The following RBPJ variants were observed in gnomAD, a reference collection of about 807,000 sequenced individuals.
The protein encoded by RBPJ is recombination signal binding protein for immunoglobulin kappa J region, also known as recombining binding protein suppressor of hairless.
Under a neutral mutation model 67.8 loss-of-function variants are expected in RBPJ, and 9 were observed. That is an observed-to-expected ratio of 0.13 (90% CI 0.08 to 0.23). RBPJ has a LOEUF of 0.23. RBPJ is among the 10% of genes least tolerant of loss of function. The pLI, the probability that RBPJ is intolerant of heterozygous loss-of-function variation, is 1.00. For missense variants in RBPJ, 305 were observed against 595.6 expected (o/e 0.51, Z 5.08); for synonymous variants, 198 against 203.3 (o/e 0.97, Z 0.22).
chr4:26,277,255 G>C (rs1015736274), intron 1 of RBPJ, among the ~76,000 whole-genome samples: 1 of 140,970 alleles, frequency 7.1e-6, no homozygotes, highest in Non-Finnish European at 1.5e-5. Context: ...CTGGGCGACA[G>C]AGCAAGACCC....
At chr4:26,406,358 T>G in intron 3 of RBPJ, 88 bp downstream of exon 3, 1 of 816,368 alleles carries the variant, frequency 1.2e-6, no homozygotes, top group Non-Finnish European at 2.1e-6. Flanking sequence ...GAGGATGGCT[T>G]CTATTACTGG....
intron 2 of RBPJ, among the ~76,000 whole-genome samples, chr4:26,396,931 G>C (rs1732176935): frequency 6.6e-6 from 1 of 152,108 alleles, no homozygotes; most frequent in Non-Finnish European, 1.5e-5. Flanking sequence ...TGTGTTACAA[G>C]GGCACCAGGA....
chr4:26,318,996 C>CAAA (rs201084739), upstream of RBPJ, among the ~76,000 whole-genome samples: 252 of 83,816 alleles, frequency 3.0e-3, 3 homozygotes, highest in African/African-American at 7.8e-3. Context: ...GACTCCGTCT[C>CAAA]AAAAAAAAAA....
chr4:26,198,110 C>A (rs147423339), intron 1 of RBPJ, among the ~76,000 whole-genome samples: 71 of 151,994 alleles, frequency 4.7e-4, no homozygotes, highest in African/African-American at 1.7e-3. Flanking sequence ...CAAAATTAGC[C>A]GGGCGTGGTG....
intron 1 of RBPJ, among the ~76,000 whole-genome samples, chr4:26,370,741 A>G (rs1043432899): frequency 6.6e-6 from 1 of 152,200 alleles, no homozygotes; most frequent in Non-Finnish European, 1.5e-5. Flanking sequence ...AGTTTTAGCT[A>G]CCTGAATTTG....
chr4:26,200,846 A>G (rs1192742179), intron 1 of RBPJ, among the ~76,000 whole-genome samples: 2 of 151,892 alleles, frequency 1.3e-5, no homozygotes, highest in Non-Finnish European at 2.9e-5. Flanking sequence ...TAGTTCCTGT[A>G]TTTCACCCCT....
At chr4:26,340,452 C>T (rs1315243070) in intron 1 of RBPJ, among the ~76,000 whole-genome samples, 1 of 152,122 alleles carries the variant, frequency 6.6e-6, no homozygotes, top group African/African-American at 2.4e-5. Flanking sequence ...AGCTACTGCA[C>T]GATCTTGAGA....
At position 26,432,352 on chromosome 4, in the gene RBPJ, G is replaced by A. The variant is rs1291094793; in HGVS notation, c.*1345G>A. The A allele has an allele frequency of 6.6e-6, 1 of 152,232 alleles. No homozygotes were observed. The highest frequency in any genetic ancestry group is 1.9e-4 in the East Asian group (1 of 5,204). The allele number at this position is 152,232 out of a possible 1,614,324, so 9.4% of individuals were successfully genotyped here. On this transcript the variant is annotated 3_prime_UTR_variant, in exon 11 of 11. Transcript: ENST00000355476. ...GAAGACAGTACTTTAGAAACAGATA[G>A]TTGTAAGATTATAAAATGCAAATGT...
chr4:26,338,568 A>G (rs1162965237), intron 1 of RBPJ, among the ~76,000 whole-genome samples: 1 of 143,086 alleles, frequency 7.0e-6, no homozygotes, highest in Admixed American at 7.4e-5. Flanking sequence ...TACATAATGT[A>G]GGCTCTAACT....
At chr4:26,326,404 T>C (rs1377242883) in intron 1 of RBPJ, among the ~76,000 whole-genome samples, 1 of 152,182 alleles carries the variant, frequency 6.6e-6, no homozygotes, top group African/African-American at 2.4e-5. Context: ...GTTTTTTATA[T>C]GATTGGCTGT....
the RBPJ span, among the ~76,000 whole-genome samples, chr4:26,157,586 G>A: frequency 6.6e-6 from 1 of 152,130 alleles, no homozygotes; most frequent in Non-Finnish European, 1.5e-5. Flanking sequence ...CCAGTATAAG[G>A]TTGTTTGGAT....
At chr4:26,301,329 A>T (rs1379232099) in intron 1 of RBPJ, among the ~76,000 whole-genome samples, 3 of 152,156 alleles carry the variant, frequency 2.0e-5, no homozygotes, top group African/African-American at 7.2e-5. Flanking sequence ...ATGGTGGCTC[A>T]CACCTGTAAT....
chr4:26,326,970 G>A (rs984842736), intron 1 of RBPJ, among the ~76,000 whole-genome samples: 2 of 152,124 alleles, frequency 1.3e-5, no homozygotes, highest in African/African-American at 4.8e-5. Context: ...GCTTGACCAC[G>A]AATGTTGTCA....
rs371915967 is a variant in RBPJ, at chr4:26,411,256, TTAAA to T, written c.156-4198_156-4195del. 1.8e-3 allele frequency among the ~76,000 whole-genome samples: 270 copies of T among 152,056 alleles called. 1 individual carries two copies. Among genetic ancestry groups the T allele is most frequent in the African/African-American group, 6.1e-3 (255 of 41,468 alleles). On this transcript the variant is annotated intron_variant, in intron 3 of 10. Coordinates refer to ENST00000355476, the MANE Select transcript of RBPJ (RefSeq NM_015874.6). ...TGAAAGTCTGACTCTGTCTTTAAAA[TTAAA>T]TAAATAAATAAATAAATAAAGATGT...
intron 1 of RBPJ, among the ~76,000 whole-genome samples, chr4:26,206,957 A>G (rs1017443880): frequency 6.6e-6 from 1 of 152,114 alleles, no homozygotes; most frequent in Non-Finnish European, 1.5e-5. Context: ...CTCCAGTTGC[A>G]CAGGTAACTA....
chr4:26,340,843 G>A, intron 1 of RBPJ, among the ~76,000 whole-genome samples: 1 of 150,268 alleles, frequency 6.7e-6, no homozygotes, highest in East Asian at 2.0e-4. Flanking sequence ...TGGCAACAGA[G>A]TGAGACTCCG....
the RBPJ span, among the ~76,000 whole-genome samples, chr4:26,109,579 C>CTCTCTCTATA: frequency 6.8e-4 from 20 of 29,392 alleles, 4 homozygotes; most frequent in African/African-American, 3.7e-3. Context: ...CTCTCTCTCT[C>CTCTCTCTATA]TATATATATA....
chr4:26,319,312 C>A (rs1056303397), upstream of RBPJ, among the ~76,000 whole-genome samples: 1 of 152,232 alleles, frequency 6.6e-6, no homozygotes, highest in East Asian at 1.9e-4. Context: ...GCTTCCCCTT[C>A]CTCCGTTCGA....
chr4:26,240,822 T>C (rs1162720192), intron 1 of RBPJ, among the ~76,000 whole-genome samples: 1 of 152,072 alleles, frequency 6.6e-6, no homozygotes, highest in Non-Finnish European at 1.5e-5. Flanking sequence ...TGACCCCCAA[T>C]AGTTGATGAG....
Sources: allele counts gnomAD v4.1 joint callset (sites outside exome capture counted in the v4.1 genomes callset), GRCh38; gene constraint gnomAD v4.1.1; transcripts MANE v1.5; gene names NCBI Gene and HGNC (gene_info 2026-07-23, HGNC 2026-07-21).